OPRM1: variants seen among roughly 807,000 people sequenced by gnomAD.
The protein encoded by OPRM1 is opioid receptor mu 1, also known as mu-type opioid receptor.
OPRM1 carries 27 observed loss-of-function variants against 31.8 expected under a neutral mutation model. That is an observed-to-expected ratio of 0.85 (90% CI 0.63 to 1.17). The LOEUF is 1.17. Among genes scored for constraint, OPRM1 ranks in the 50% most tolerant of loss-of-function variants. The pLI, the probability that OPRM1 is intolerant of heterozygous loss-of-function variation, is 0.00. For synonymous variants in OPRM1, 196 were observed against 189.9 expected (o/e 1.03, Z -0.26); for missense variants, 536 against 511.1 (o/e 1.05, Z -0.47).
At chr6:154,050,625 G>T (rs181657666) in intron 1 of OPRM1, among the ~76,000 whole-genome samples, 37 of 152,048 alleles carry the variant, frequency 2.4e-4, no homozygotes, top group African/African-American at 8.4e-4. Context: ...GGCTGATGGG[G>T]GGCTGGGAGG....
chr6:154,028,721 T>G (rs1013963331), intron 1 of OPRM1, among the ~76,000 whole-genome samples: 1 of 152,112 alleles, frequency 6.6e-6, no homozygotes, highest in South Asian at 2.1e-4. Context: ...TCCGGTTCTG[T>G]TTTCTGTTAT....
intron 3 of OPRM1, among the ~76,000 whole-genome samples, chr6:154,201,898 AAAAC>A (rs759312544): frequency 2.0e-5 from 3 of 152,214 alleles, no homozygotes; most frequent in Non-Finnish European, 2.9e-5. Context: ...CCATCTCAAA[AAAAC>A]AAACAAACAA....
intron 1 of OPRM1, among the ~76,000 whole-genome samples, chr6:154,049,793 A>G (rs1278024148): frequency 6.6e-6 from 1 of 152,172 alleles, no homozygotes; most frequent in African/African-American, 2.4e-5. Flanking sequence ...CAAATTTAAA[A>G]TATATACAGC....
rs1797526289 is a variant in OPRM1 at position 154,125,337 on chromosome 6, C to T, written c.*6616C>T. Reference sequence around the variant, plus strand: ...CAAAGCTATTTCATGAATCAAATATCGTTTTCTACCTGCCCCACAACTGTG... The same window carrying T: ...CAAAGCTATTTCATGAATCAAATATTGTTTTCTACCTGCCCCACAACTGTG... On this transcript the variant is annotated 3_prime_UTR_variant, in exon 4 of 4. Coordinates refer to ENST00000330432, the MANE Select transcript of OPRM1 (RefSeq NM_000914.5). 1.3e-5 allele frequency among the ~76,000 whole-genome samples: 2 copies of T among 152,158 alleles called. No individual in the cohort carries two copies. The highest frequency in any genetic ancestry group is 2.9e-5 in the Non-Finnish European group (2 of 68,032).
In OPRM1 at chr6:154,130,145, G is replaced by A. The variant is rs552290592; in HGVS notation, c.*11424G>A. 2.0e-5 allele frequency among the ~76,000 whole-genome samples: 3 copies of A among 148,290 alleles called. No homozygotes were observed. Among genetic ancestry groups the A allele is most frequent in the Non-Finnish European group, 4.4e-5 (3 of 67,444 alleles). ...TTATTTTGTCTCTACCCAAACCATC[G>A]ATTTCATGGAAATGTTTAAATTTTC... is the stretch of plus-strand genomic sequence containing the variant. On this transcript the variant is annotated 3_prime_UTR_variant, in exon 4 of 4. Transcript: ENST00000330432.
chr6:154,236,487 A>G (rs990385579), intron 3 of OPRM1, among the ~76,000 whole-genome samples: 1 of 152,208 alleles, frequency 6.6e-6, no homozygotes, highest in African/African-American at 2.4e-5. Flanking sequence ...ACGGTTGCAC[A>G]GTAATAAGAA....
chr6:154,192,276 G>T (rs1246753960), intron 3 of OPRM1, among the ~76,000 whole-genome samples: 1 of 151,172 alleles, frequency 6.6e-6, no homozygotes, highest in Non-Finnish European at 1.5e-5. Flanking sequence ...TAATTTGCTG[G>T]CTGATTTCTG....
chr6:154,064,888 A>G (rs1337800569), intron 1 of OPRM1, among the ~76,000 whole-genome samples: 2 of 152,134 alleles, frequency 1.3e-5, no homozygotes, highest in Non-Finnish European at 1.5e-5. Flanking sequence ...TTTGATTACC[A>G]TTACTTTAAA....
chr6:154,224,065 C>T (rs1348759605), intron 3 of OPRM1, among the ~76,000 whole-genome samples: 1 of 151,788 alleles, frequency 6.6e-6, no homozygotes, highest in Non-Finnish European at 1.5e-5. Context: ...TTGTTCGTCA[C>T]CCATAGAACT....
chr6:154,083,272 T>C (rs1789595225), intron 1 of OPRM1, among the ~76,000 whole-genome samples: 1 of 152,046 alleles, frequency 6.6e-6, no homozygotes, highest in Non-Finnish European at 1.5e-5. Flanking sequence ...CAAAAGTGCA[T>C]ACCAGAAAAC....
chr6:154,024,671 C>A (rs1324446268), intron 1 of OPRM1, among the ~76,000 whole-genome samples: 2 of 150,480 alleles, frequency 1.3e-5, no homozygotes, highest in Non-Finnish European at 3.0e-5. Context: ...AATGTAGGCA[C>A]TTAATAGCTA....
chr6:154,246,843 G>A (rs1301397178), exon 4 of OPRM1: 7 of 1,393,994 alleles, frequency 5.0e-6, no homozygotes, highest in Middle Eastern at 1.9e-4. Context: ...GTGACAGAGT[G>A]AAAGGCAACT....
At chr6:154,053,893 C>T (rs1213062853) in intron 1 of OPRM1, among the ~76,000 whole-genome samples, 1 of 152,162 alleles carries the variant, frequency 6.6e-6, no homozygotes, top group African/African-American at 2.4e-5. Flanking sequence ...AGAATTGGAT[C>T]TAAATTCTAG....
At chr6:154,166,745 T>C (rs556544804) in intron 3 of OPRM1, among the ~76,000 whole-genome samples, 1 of 152,170 alleles carries the variant, frequency 6.6e-6, no homozygotes, top group Non-Finnish European at 1.5e-5. Context: ...AATGAAAACT[T>C]TACTCACTCA....
At chr6:154,199,140 T>C (rs1369654067) in intron 3 of OPRM1, among the ~76,000 whole-genome samples, 1 of 152,250 alleles carries the variant, frequency 6.6e-6, no homozygotes, top group African/African-American at 2.4e-5. Flanking sequence ...CTCCTTTATA[T>C]GTAAAGGTTC....
downstream of OPRM1, among the ~76,000 whole-genome samples, chr6:154,136,888 C>A (rs1459161030): frequency 1.3e-5 from 2 of 152,140 alleles, no homozygotes; most frequent in Non-Finnish European, 2.9e-5. Context: ...ATTCCTGCTG[C>A]TATTTGGGGA....
intron 1 of OPRM1, among the ~76,000 whole-genome samples, chr6:154,026,570 T>A (rs12201732): frequency 0.089 from 13,504 of 152,204 alleles, 1,070 homozygotes; most frequent in African/African-American, 0.21. Context: ...CCAATAACTC[T>A]TAGATTTGCC....
chr6:154,031,456 T>C (rs1457463542), intron 1 of OPRM1, among the ~76,000 whole-genome samples: 3 of 152,106 alleles, frequency 2.0e-5, no homozygotes, highest in African/African-American at 4.8e-5. Flanking sequence ...GTTTATTGGC[T>C]GGGTGCGGTG....
At chr6:154,049,550 A>G (rs1017229585) in intron 1 of OPRM1, among the ~76,000 whole-genome samples, 1 of 152,216 alleles carries the variant, frequency 6.6e-6, no homozygotes, top group African/African-American at 2.4e-5. Context: ...TTTCAAATAC[A>G]GAATCCTCAA....
Sources: allele counts gnomAD v4.1 joint callset (sites outside exome capture counted in the v4.1 genomes callset), GRCh38; gene constraint gnomAD v4.1.1; transcripts MANE v1.5; gene names NCBI Gene and HGNC (gene_info 2026-07-23, HGNC 2026-07-21).